Variants in NCAM2 observed in about 807,000 individuals in gnomAD.
The protein encoded by NCAM2 is neural cell adhesion molecule 2.
NCAM2 carries 30 observed loss-of-function variants against 98.1 expected under a neutral mutation model. The observed-to-expected ratio is 0.31, with a 90% confidence interval of 0.23 to 0.41. The LOEUF is 0.41. NCAM2 is among the 10% of genes least tolerant of loss of function. The pLI is 1.00. For synonymous variants in NCAM2, 368 were observed against 342.4 expected, an observed-to-expected ratio of 1.07 and a Z score of -0.83; for missense variants, 867 against 1,005.8, an observed-to-expected ratio of 0.86 and a Z score of 1.87.
chr21:21,492,786 A>G (rs1242199056), intron 15 of NCAM2, among the ~76,000 whole-genome samples: 1 of 151,952 alleles, frequency 6.6e-6, no homozygotes, highest in Non-Finnish European at 1.5e-5. Context: ...TATTACAAAG[A>G]GAAACAAAAT....
chr21:21,205,470 G>C (rs1475278229), intron 1 of NCAM2, among the ~76,000 whole-genome samples: 2 of 151,962 alleles, frequency 1.3e-5, no homozygotes, highest in East Asian at 1.9e-4. Flanking sequence ...ACATTATGTG[G>C]CTTATATCTT....
chr21:21,526,134 A>G (rs4346469), intron 16 of NCAM2, among the ~76,000 whole-genome samples: 88,939 of 151,738 alleles, frequency 0.59, 26,635 homozygotes, highest in African/African-American at 0.68. Context: ...AGCGAAAGCC[A>G]TTAAGACAAA....
chr21:21,032,653 T>A (rs8132593), intron 1 of NCAM2, among the ~76,000 whole-genome samples: 109,601 of 152,096 alleles, frequency 0.72, 39,838 homozygotes, highest in Admixed American at 0.79. Flanking sequence ...TTCTTAGTTT[T>A]TTTAAAGAGT....
intron 1 of NCAM2, among the ~76,000 whole-genome samples, chr21:21,178,221 T>C (rs2068357893): frequency 6.6e-6 from 1 of 152,164 alleles, no homozygotes; most frequent in South Asian, 2.1e-4. Context: ...AATTAATTTA[T>C]CTATATTTTT....
chr21:21,142,684 C>T (rs891037753), intron 1 of NCAM2, among the ~76,000 whole-genome samples: 6 of 151,900 alleles, frequency 3.9e-5, no homozygotes, highest in African/African-American at 1.5e-4. Flanking sequence ...CAGCCTTGAC[C>T]ATTATTTTTA....
In NCAM2 at chr21:21,534,533, C is replaced by A; in HGVS notation, c.2283-4C>A. On this transcript the variant is annotated splice_region_variant and splice_polypyrimidine_tract_variant and intron_variant, in intron 16 of 17. Coordinates refer to ENST00000400546, the MANE Select transcript of NCAM2 (RefSeq NM_004540.5). ...AGGTGAGATGTTTCTCTTTATGTTT[C>A]TAGGAAAGATGGATCAAAAGAACCA... 1.3e-6 allele frequency: 2 copies of A among 1,576,252 alleles called. No homozygotes were observed. Among genetic ancestry groups the A allele is most frequent in the Admixed American group, 1.9e-5 (1 of 54,016 alleles).
At chr21:21,007,111 A>G (rs1314039612) in intron 1 of NCAM2, among the ~76,000 whole-genome samples, 2 of 152,158 alleles carry the variant, frequency 1.3e-5, no homozygotes, top group East Asian at 3.9e-4. Flanking sequence ...ATATGGTGTG[A>G]TATCAGAAAT....
At chr21:21,039,835 A>G (rs1371783011) in intron 1 of NCAM2, among the ~76,000 whole-genome samples, 1 of 152,154 alleles carries the variant, frequency 6.6e-6, no homozygotes, top group South Asian at 2.1e-4. Context: ...GTTGATACCT[A>G]ATCCTCAGTC....
At chr21:21,455,208 G>T in intron 12 of NCAM2, among the ~76,000 whole-genome samples, 1 of 82,894 alleles carries the variant, frequency 1.2e-5, no homozygotes, top group Admixed American at 1.2e-4. Flanking sequence ...GAAACCTATT[G>T]GCAAAAAAAA....
At chr21:21,424,811 C>T (rs756318953) in intron 11 of NCAM2, among the ~76,000 whole-genome samples, 11 of 151,760 alleles carry the variant, frequency 7.2e-5, no homozygotes, top group Non-Finnish European at 1.3e-4. Flanking sequence ...GCGGGTGGAT[C>T]ATCTAAGGTC....
intron 1 of NCAM2, among the ~76,000 whole-genome samples, chr21:21,121,431 A>G (rs1207314158): frequency 6.6e-6 from 1 of 152,214 alleles, no homozygotes; most frequent in Non-Finnish European, 1.5e-5. Flanking sequence ...TATAAACTCC[A>G]AATAATTGAA....
At chr21:21,288,179 G>A (rs2073168211) in intron 4 of NCAM2, among the ~76,000 whole-genome samples, 1 of 151,766 alleles carries the variant, frequency 6.6e-6, no homozygotes, top group South Asian at 2.1e-4. Context: ...GGGAAATAAG[G>A]AATAGCCTGT....
In NCAM2 at chr21:21,214,722, CATATATATAT is replaced by C. The variant is rs1555829682; in HGVS notation, c.56-65840_56-65831del. 7.1e-4 allele frequency among the ~76,000 whole-genome samples: 66 copies of C among 92,608 alleles called. 1 individual carries two copies. Among genetic ancestry groups the C allele is most frequent in the South Asian group, 5.2e-3 (12 of 2,290 alleles). The allele number at this position is 92,608 out of a possible 152,430, so 60.8% of individuals were successfully genotyped here. On this transcript the variant is annotated intron_variant, in intron 1 of 17. Transcript: ENST00000400546. ...TCAGGGGGAGTAAATATATATATTCCATATATATATATATATATATATATACACTATATAT... is the reference window on the plus strand; with the variant it reads ...TCAGGGGGAGTAAATATATATATTCCATATATATATATATACACTATATAT...
chr21:21,256,069 T>A (rs1256782698), intron 1 of NCAM2, among the ~76,000 whole-genome samples: 1 of 152,132 alleles, frequency 6.6e-6, no homozygotes, highest in East Asian at 1.9e-4. Context: ...AAAATAATAT[T>A]TCTGGCTGGG....
chr21:21,479,823 T>C (rs1473760567), intron 15 of NCAM2, among the ~76,000 whole-genome samples: 1 of 151,944 alleles, frequency 6.6e-6, no homozygotes, highest in East Asian at 1.9e-4. Context: ...CTGGTTTATA[T>C]TCCCAGATTT....
chr21:21,071,364 C>T (rs2146364834), intron 1 of NCAM2, among the ~76,000 whole-genome samples: 1 of 151,992 alleles, frequency 6.6e-6, no homozygotes, highest in Middle Eastern at 3.4e-3. Flanking sequence ...TATTGATGAC[C>T]CAAACTCTAA....
intron 1 of NCAM2, among the ~76,000 whole-genome samples, chr21:21,012,261 G>T (rs1428980460): frequency 6.6e-6 from 1 of 152,060 alleles, no homozygotes; most frequent in South Asian, 2.1e-4. Context: ...GGGGAAACTC[G>T]ATTGTTTAGA....
At chr21:21,057,890 T>G (rs1434302535) in intron 1 of NCAM2, among the ~76,000 whole-genome samples, 1 of 151,968 alleles carries the variant, frequency 6.6e-6, no homozygotes, top group African/African-American at 2.4e-5. Context: ...ACGTTAACTT[T>G]CCCTACCCCT....
chr21:21,251,095 GATT>G (rs1378795019), intron 1 of NCAM2, among the ~76,000 whole-genome samples: 1 of 151,950 alleles, frequency 6.6e-6, no homozygotes, highest in East Asian at 1.9e-4. Context: ...TTTCCTTATT[GATT>G]ATAAGTCATT....
Sources: allele counts gnomAD v4.1 joint callset (sites outside exome capture counted in the v4.1 genomes callset), GRCh38; gene constraint gnomAD v4.1.1; transcripts MANE v1.5; gene names NCBI Gene and HGNC (gene_info 2026-07-23, HGNC 2026-07-21).